The following LNX1 variants were observed in gnomAD, a reference collection of about 807,000 sequenced individuals.
LNX1 encodes the protein E3 ubiquitin-protein ligase LNX.
Under a neutral mutation model 68.4 loss-of-function variants are expected in LNX1, and 54 were observed. That is an observed-to-expected ratio of 0.79 (90% confidence interval 0.63 to 0.99). The LOEUF is 0.99. LNX1 is among the 50% of genes least tolerant of loss of function. The pLI is 0.00. For missense variants in LNX1, 906 were observed against 926.4 expected, an observed-to-expected ratio of 0.98 and a Z score of 0.29; for synonymous variants, 336 against 350.0, an observed-to-expected ratio of 0.96 and a Z score of 0.45.
chr4:53,605,121 C>T (rs928723845), intron 2 of LNX1, among the ~76,000 whole-genome samples: 1 of 152,142 alleles, frequency 6.6e-6, no homozygotes, highest in Non-Finnish European at 1.5e-5. Context: ...AAAGGAGTTA[C>T]AAGGCCCACC....
intron 1 of LNX1, among the ~76,000 whole-genome samples, chr4:53,647,003 T>C (rs981838384): frequency 5.9e-5 from 9 of 152,248 alleles, no homozygotes; most frequent in African/African-American, 2.2e-4. Context: ...GCTGGCCTCC[T>C]GGCCAGGCAT....
In LNX1 at chr4:53,461,535, A is replaced by G. The variant is rs1226595001; in HGVS notation, c.1951T>C (p.Phe651Leu). ...LRRNTAGSLG[F>L]CIVGGYEEYN... ...TCTTCATAACCTCCTACAATGCAGAAGCCCAGACTTCCAGCTGTGTTTCTT... is the reference window on the plus strand; with the variant it reads ...TCTTCATAACCTCCTACAATGCAGAGGCCCAGACTTCCAGCTGTGTTTCTT... Residue 651 changes from phenylalanine (F) to leucine (L), a missense_variant, in exon 10 of 11, where the codon TTC becomes CTC. By Grantham distance (22) the Phe-to-Leu change is conservative. Coordinates refer to ENST00000263925, the MANE Select transcript of LNX1 (RefSeq NM_001126328.3). 2 of 1,612,502 alleles carry G rather than the reference A, an allele frequency of 1.2e-6. No homozygotes were observed. Among genetic ancestry groups the G allele is most frequent in the East Asian group, 2.2e-5 (1 of 44,818 alleles).
chr4:53,596,269 T>C (rs1732746628), upstream of LNX1, among the ~76,000 whole-genome samples: 2 of 152,196 alleles, frequency 1.3e-5, no homozygotes, highest in Admixed American at 1.3e-4. Flanking sequence ...TGTTGCCTGG[T>C]TTGCAGATGA....
intron 2 of LNX1, among the ~76,000 whole-genome samples, chr4:53,606,602 T>C (rs1418228217): frequency 1.3e-5 from 2 of 152,178 alleles, no homozygotes; most frequent in African/African-American, 4.8e-5. Flanking sequence ...ACTCCCTAAC[T>C]CATTCTATTT....
At chr4:53,639,111 GA>G (rs932375559) in intron 1 of LNX1, among the ~76,000 whole-genome samples, 3 of 152,154 alleles carry the variant, frequency 2.0e-5, no homozygotes, top group Admixed American at 2.0e-4. Context: ...ATTGGATAAA[GA>G]AAATATGGTA....
chr4:53,531,667 GTGTAAAC>G (rs1360793637), intron 2 of LNX1, among the ~76,000 whole-genome samples: 1 of 152,128 alleles, frequency 6.6e-6, no homozygotes, highest in African/African-American at 2.4e-5. Context: ...ACTCATAATC[GTGTAAAC>G]TGTGAACAGG....
intron 1 of LNX1, among the ~76,000 whole-genome samples, chr4:53,586,724 G>A (rs1445091896): frequency 6.6e-6 from 1 of 152,192 alleles, no homozygotes; most frequent in African/African-American, 2.4e-5. Flanking sequence ...GAGAACAAGA[G>A]TAAACAGATG....
At chr4:53,543,784 C>T (rs532493031) in intron 2 of LNX1, among the ~76,000 whole-genome samples, 3 of 152,170 alleles carry the variant, frequency 2.0e-5, no homozygotes, top group South Asian at 2.1e-4. Flanking sequence ...ACCCTGTCAA[C>T]CATGCCAAGA....
At chr4:53,604,203 A>G (rs528287509) in intron 2 of LNX1, among the ~76,000 whole-genome samples, 1 of 152,136 alleles carries the variant, frequency 6.6e-6, no homozygotes, top group African/African-American at 2.4e-5. Flanking sequence ...GACAATTTGT[A>G]TTACTCTTTC....
chr4:53,558,430 G>A (rs367568339), intron 2 of LNX1, among the ~76,000 whole-genome samples: 16 of 152,180 alleles, frequency 1.1e-4, no homozygotes, highest in African/African-American at 3.9e-4. Context: ...TTGCTATAGC[G>A]ACACTGTAAG....
Position 53,628,888 on chromosome 4 carries a change from T to C in LNX1, c.-215+23280A>G, listed in dbSNP as rs546019174. ...AGTAACTCAGGAATGGAAAACCAGA[T>C]ACTGCATGTTCTCACTTATAAGTTG... On this transcript the variant is annotated intron_variant, in intron 1 of 2. Coordinates refer to the LNX1 transcript ENST00000507168. Among the ~76,000 whole-genome samples, 42 of 152,298 alleles carry C rather than the reference T, an allele frequency of 2.8e-4. No homozygotes were observed. The South Asian group carries it at 8.7e-3, about 32-fold the overall frequency.
At chr4:53,563,067 A>G (rs1047812970) in intron 2 of LNX1, among the ~76,000 whole-genome samples, 5 of 152,092 alleles carry the variant, frequency 3.3e-5, no homozygotes, top group African/African-American at 1.2e-4. Flanking sequence ...TTAGCCGGGC[A>G]TGGTGGTGGG....
rs775207621 is a variant in LNX1 at position 53,476,742 on chromosome 4, T to C, written c.1892+11A>G. On this transcript the variant is annotated intron_variant, in intron 9 of 10. Coordinates refer to ENST00000263925, the MANE Select transcript of LNX1 (RefSeq NM_001126328.3). ...CCCACGCCCCTACAGGGATGTTGTG[T>C]TTGGACTTACCGTGGTAATTCCAGC... The C allele has an allele frequency of 3.7e-6, 6 of 1,609,042 alleles. No homozygotes were observed. Among genetic ancestry groups the C allele is most frequent in the East Asian group, 2.2e-5 (1 of 44,842 alleles).
intron 9 of LNX1, among the ~76,000 whole-genome samples, chr4:53,462,090 A>T (rs1722186140): frequency 6.6e-6 from 1 of 152,104 alleles, no homozygotes; most frequent in African/African-American, 2.4e-5. Flanking sequence ...ACCACTTTAC[A>T]CCCAGTGCTA....
intron 1 of LNX1, among the ~76,000 whole-genome samples, chr4:53,648,636 A>C (rs1351529315): frequency 6.6e-6 from 1 of 152,066 alleles, no homozygotes; most frequent in Non-Finnish European, 1.5e-5. Context: ...CTGTGCTTCC[A>C]CTTTTGTCTC....
intron 2 of LNX1, among the ~76,000 whole-genome samples, chr4:53,568,359 T>C (rs1730861634): frequency 6.6e-6 from 1 of 151,808 alleles, no homozygotes; most frequent in Non-Finnish European, 1.5e-5. Context: ...AATCAATAAA[T>C]GTAATCCAGC....
intron 2 of LNX1, among the ~76,000 whole-genome samples, chr4:53,572,237 A>G (rs2109775728): frequency 6.6e-6 from 1 of 152,248 alleles, no homozygotes; most frequent in African/African-American, 2.4e-5. Flanking sequence ...ACTTTCAGCA[A>G]AAGTCACAAA....
chr4:53,623,707 A>G (rs1733970211), intron 1 of LNX1, among the ~76,000 whole-genome samples: 1 of 152,192 alleles, frequency 6.6e-6, no homozygotes, highest in Non-Finnish European at 1.5e-5. Context: ...CCGAGAATTT[A>G]TAACTATCAA....
At chr4:53,536,754 G>T (rs1244090198) in intron 2 of LNX1, among the ~76,000 whole-genome samples, 3 of 152,066 alleles carry the variant, frequency 2.0e-5, no homozygotes, top group Non-Finnish European at 2.9e-5. Context: ...CCACTCCTTT[G>T]TTTTTCTATA....
Sources: gnomAD v4.1 joint callset for allele counts (sites outside exome capture counted in the v4.1 genomes callset) on GRCh38, gnomAD v4.1.1 for gene constraint, MANE v1.5 for transcripts, NCBI Gene and HGNC (gene_info 2026-07-23, HGNC 2026-07-21) for gene names.